Variants in DST observed in about 807,000 individuals in gnomAD.
DST encodes bullous pemphigoid antigen.
Under a neutral mutation model 875.2 loss-of-function variants are expected in DST, and 253 were observed. The observed-to-expected ratio is 0.29, with a 90% confidence interval of 0.26 to 0.32. The LOEUF (loss-of-function observed/expected upper bound fraction) is 0.32. Ranked by LOEUF, DST falls within the 10% of genes least tolerant of loss-of-function variation. DST has a pLI of 1.00. For missense variants in DST, 8,287 were observed against 9,111.6 expected (o/e 0.91, Z 3.68); for synonymous variants, 3,124 against 3,197.1 (o/e 0.98, Z 0.77).
Position 56,670,133 on chromosome 6 carries a change from CGTGTGTGTGTGTGTGT to C in DST, c.1214+492_1214+507del, listed in dbSNP as rs70989723. On this transcript the variant is annotated intron_variant, in intron 10 of 103. Transcript: ENST00000680361. Reference sequence around the variant, plus strand: ...ACAGCTGTGTGTGCGAGCGCCCGTGCGTGTGTGTGTGTGTGTGTGTGTGTGTGTGTGTGTGTGTGTA... The same window carrying C: ...ACAGCTGTGTGTGCGAGCGCCCGTGCGTGTGTGTGTGTGTGTGTGTGTGTA... Among the ~76,000 whole-genome samples, 431 of 146,294 alleles carry C rather than the reference CGTGTGTGTGTGTGTGT, an allele frequency of 2.9e-3. 1 individual carries two copies. Among genetic ancestry groups the C allele is most frequent in the Non-Finnish European group, 4.1e-3 (271 of 66,210 alleles).
chr6:56,760,969 A>G, intron 4 of DST, among the ~76,000 whole-genome samples: 1 of 152,258 alleles, frequency 6.6e-6, no homozygotes, highest in South Asian at 2.1e-4. Context: ...ATCACTGTGC[A>G]TGTAGGGACA....
At chr6:56,909,986 T>C (rs1039393859) in intron 2 of DST, among the ~76,000 whole-genome samples, 1 of 152,222 alleles carries the variant, frequency 6.6e-6, no homozygotes, top group Non-Finnish European at 1.5e-5. Context: ...ATCTAGAAGA[T>C]ACCGTTCTGT....
chr6:56,508,874 CA>C, intron 74 of DST, 119 bp from the exon 75 acceptor site: 2 of 788,594 alleles, frequency 2.5e-6, no homozygotes, highest in Non-Finnish European at 4.0e-6. Context: ...AAAACTGGAC[CA>C]AGTTTTGAAT....
chr6:56,934,560 T>TATATATATATATATATATATA (rs1554267212), intron 2 of DST, among the ~76,000 whole-genome samples: 1 of 106,486 alleles, frequency 9.4e-6, no homozygotes, highest in African/African-American at 3.5e-5. Flanking sequence ...ATATATTATA[T>TATATATATATATATATATATA]TATATATATA....
At chr6:56,941,778 G>A (rs1816743220) in intron 2 of DST, among the ~76,000 whole-genome samples, 1 of 152,186 alleles carries the variant, frequency 6.6e-6, no homozygotes, top group Admixed American at 6.5e-5. Context: ...ACCGTGCCTG[G>A]CCAATGAGTG....
At chr6:56,766,493 T>C (rs1208365415) in intron 4 of DST, among the ~76,000 whole-genome samples, 1 of 151,860 alleles carries the variant, frequency 6.6e-6, no homozygotes, top group Admixed American at 6.6e-5. Flanking sequence ...TCATCAGACA[T>C]ATAAGGCCTT....
intron 63 of DST, 119 bp from the exon 64 acceptor site, chr6:56,532,629 G>A: frequency 2.2e-6 from 2 of 920,222 alleles, no homozygotes; most frequent in East Asian, 5.4e-5. Flanking sequence ...ATGCACATAT[G>A]AAAGGATCTG....
rs866489798 is a variant in DST, at chr6:56,561,229, C to A, written c.14310+79G>T. 1.0e-5 allele frequency: 15 copies of A among 1,448,846 alleles called. No individual in the cohort carries two copies. The Middle Eastern group carries it at 2.0e-3, about 193-fold the overall frequency. The allele number at this position is 1,448,846 out of a possible 1,614,324, so 89.7% of individuals were successfully genotyped here. On this transcript the variant is annotated intron_variant, in intron 57 of 103. Coordinates refer to ENST00000680361, the MANE Select transcript of DST (RefSeq NM_001374736.1). Reference sequence around the variant, plus strand: ...AGCTAGAAAAGAAAACAGAGCAGAGCTTCTGACTACCAGAGCTCCGTTCCA... The same window carrying A: ...AGCTAGAAAAGAAAACAGAGCAGAGATTCTGACTACCAGAGCTCCGTTCCA...
At position 56,606,883 on chromosome 6, in the gene DST, T is replaced by C. The variant is rs374135773; in HGVS notation, c.7745A>G (p.Asp2582Gly). 27 of 1,613,266 alleles carry C rather than the reference T, an allele frequency of 1.7e-5. No individual in the cohort carries two copies. The highest frequency in any genetic ancestry group is 2.2e-5 in the Non-Finnish European group (26 of 1,179,588). ...ATAGTCACTAGCACTGATGGTTTCA[T>C]CAAGCAATGGTGTAGCACAAGTAAG... ...VSLTCATPLLDETISASDYET... is the reference protein window; with the variant it reads ...VSLTCATPLLGETISASDYET... The change falls in exon 40 of 104, where the codon GAT (aspartate) becomes GGT (glycine). Residue 2582 changes from aspartate (D) to glycine (G), a missense_variant. Asp to Gly is a moderately conservative substitution (Grantham distance 94, BLOSUM62 -1). This residue lies in a region of DST where 3,138 missense variants were observed against 3,116.6 expected (regional missense o/e 1.01). Transcript: ENST00000680361.
chr6:56,620,782 T>C, intron 36 of DST: 2 of 1,442,818 alleles, frequency 1.4e-6, no homozygotes, highest in Middle Eastern at 1.7e-4. Flanking sequence ...TATGAATCAA[T>C]GTTCATAAAA....
At chr6:56,709,288 G>A (rs138866073) in intron 5 of DST, among the ~76,000 whole-genome samples, 186 of 152,312 alleles carry the variant, frequency 1.2e-3, no homozygotes, top group African/African-American at 4.2e-3. Flanking sequence ...TTCTAAACAA[G>A]ATGCTGGCGA....
intron 55 of DST, among the ~76,000 whole-genome samples, chr6:56,563,051 G>C (rs2097566913): frequency 6.6e-6 from 1 of 152,026 alleles, no homozygotes; most frequent in Admixed American, 6.6e-5. Context: ...ATAAACATAG[G>C]TGTGTGTGTG....
chr6:56,938,082 T>TTCTCTCTCTCTC (rs144019912), intron 2 of DST, among the ~76,000 whole-genome samples: 17 of 131,688 alleles, frequency 1.3e-4, no homozygotes, highest in African/African-American at 4.6e-4. Context: ...CTCTCTCTCT[T>TTCTCTCTCTCTC]TCTCTCTCTC....
At chr6:56,498,080 T>G (rs192346994) in intron 80 of DST, 27 bp from the exon 81 acceptor site, 4 of 1,590,066 alleles carry the variant, frequency 2.5e-6, no homozygotes, top group Non-Finnish European at 3.4e-6. Flanking sequence ...AACACCATGT[T>G]TGCTAGTTTG....
At chr6:56,723,614 C>A (rs1199576190) in intron 5 of DST, among the ~76,000 whole-genome samples, 1 of 151,986 alleles carries the variant, frequency 6.6e-6, no homozygotes, top group Admixed American at 6.6e-5. Flanking sequence ...CTGCAATGAC[C>A]ACCAAATTAA....
rs190949709 is a variant in DST at position 56,822,914 on chromosome 6, G to A, written c.625+28483C>T. 5.9e-5 allele frequency among the ~76,000 whole-genome samples: 9 copies of A among 151,648 alleles called. No individual in the cohort carries two copies. The East Asian group carries it at 1.6e-3, about 26-fold the overall frequency. ...GCAATCTTGGCTCACTGCAACCTCC[G>A]AATCCCGTGTTCAAGGAGAATCCTC... is the stretch of plus-strand genomic sequence containing the variant. On this transcript the variant is annotated intron_variant, in intron 4 of 103. Transcript: ENST00000680361.
At chr6:56,626,669 G>T (rs2098737680) in intron 34 of DST, among the ~76,000 whole-genome samples, 1 of 152,158 alleles carries the variant, frequency 6.6e-6, no homozygotes, top group African/African-American at 2.4e-5. Context: ...CAATCCTGGA[G>T]ATGCTTCCAA....
chr6:56,823,197 G>C (rs1033044022), intron 4 of DST, among the ~76,000 whole-genome samples: 5 of 152,080 alleles, frequency 3.3e-5, no homozygotes, highest in African/African-American at 1.2e-4. Context: ...TTCTAAGTAA[G>C]TCTGTCCGTG....
At chr6:56,885,621 A>G (rs75743016) in intron 3 of DST, among the ~76,000 whole-genome samples, 3,260 of 152,182 alleles carry the variant, frequency 0.021, 107 homozygotes, top group African/African-American at 0.069. Context: ...TGAATGGGTT[A>G]ATGCCACTAC....
Sources: gnomAD v4.1 joint callset for allele counts (sites outside exome capture counted in the v4.1 genomes callset) on GRCh38, gnomAD v4.1.1 for gene constraint, gnomAD v4.1.1 regional missense constraint, MANE v1.5 for transcripts, NCBI Gene and HGNC (gene_info 2026-07-23, HGNC 2026-07-21) for gene names.